ZNF574: variants seen among roughly 807,000 people sequenced by gnomAD.
ZNF574 encodes the protein zinc finger protein 574.
A neutral mutation model predicts 56.6 loss-of-function variants in ZNF574; 25 were observed. That is an observed-to-expected ratio of 0.44 (90% CI 0.32 to 0.62). The LOEUF (loss-of-function observed/expected upper bound fraction) is 0.62, where lower values mean the gene tolerates loss of function less well. ZNF574 is among the 20% of genes least tolerant of loss of function. The probability of loss-of-function intolerance (pLI) is 0.04; values close to 1 mark genes in which losing one functional copy is unlikely to be tolerated. For synonymous variants in ZNF574, 543 were observed against 492.1 expected (o/e 1.10, Z -1.37); for missense variants, 1,065 against 1,218.9 (o/e 0.87, Z 1.88).
chr19:42,069,234 C>T (rs1286821465), intron 1 of ZNF574: 8 of 289,998 alleles, frequency 2.8e-5, no homozygotes, highest in Non-Finnish European at 5.1e-5. Context: ...GCCCTGCAGA[C>T]ACTCACGGAT....
upstream of ZNF574, chr19:42,074,818 G>C (rs900897978): frequency 6.6e-6 from 1 of 152,246 alleles, no homozygotes; most frequent in Admixed American, 6.5e-5. Flanking sequence ...ACAATTCTGA[G>C]AGTCAGTTTC....
At position 42,068,950 on chromosome 19, in the gene ZNF574, CA is replaced by C. The variant is rs2076382713; in HGVS notation, c.240del (p.Ala82ProfsTer10). 1 of 622,324 alleles carries C rather than the reference CA, an allele frequency of 1.6e-6. No individual in the cohort carries two copies. Among genetic ancestry groups the C allele is most frequent in the African/African-American group, 1.8e-5 (1 of 54,114 alleles). 38.6% of individuals were successfully genotyped at this position (622,324 alleles called of 1,614,324 possible). On this transcript the variant is annotated frameshift_variant, in exon 1 of 2. Transcript: ENST00000222339. LOFTEE classifies it high-confidence loss of function. ...GGAGACAGCAGGGGCACGGACATGC[CA>C]GGGGCCCGGGGTAAGTGAGAGCCCA... is the stretch of plus-strand genomic sequence containing the variant.
chr19:42,069,426 G>C (rs1225212293), intron 1 of ZNF574: 1 of 151,526 alleles, frequency 6.6e-6, no homozygotes, highest in African/African-American at 2.4e-5. Context: ...CAGGGAGGAA[G>C]GACAGGTGGA....
chr19:42,070,522 G>A (rs1281597826), intron 1 of ZNF574: 1 of 152,722 alleles, frequency 6.5e-6, no homozygotes, highest in Non-Finnish European at 1.5e-5. Flanking sequence ...GATGAGGGGA[G>A]AGGGCTACAG....
At position 42,068,807 on chromosome 19, in the gene ZNF574, A is replaced by G. The variant is rs181030925; in HGVS notation, c.96A>G (p.Glu32=). The change falls in exon 1 of 2, where the codon GAA becomes GAG. Residue 32 remains glutamate (E), a synonymous_variant. Coordinates refer to the ZNF574 transcript ENST00000222339. ...CAGGAAATGGGGGCTCAAAAGCGGA[A>G]AGACATATCCAGGAGATAGAGACTG... 3.6e-5 allele frequency: 22 copies of G among 603,404 alleles called. 1 individual carries two copies. In the East Asian group the frequency reaches 6.6e-4, roughly 18 times the overall value. 37.4% of individuals were successfully genotyped at this position (603,404 alleles called of 1,614,324 possible). A position where few individuals can be genotyped will look rare whatever the true frequency, so the allele number is the denominator to read the frequency against.
chr19:42,072,054 C>T (rs1191706343), upstream of ZNF574, among the ~76,000 whole-genome samples: 3 of 151,412 alleles, frequency 2.0e-5, no homozygotes, highest in South Asian at 2.1e-4. Flanking sequence ...CTAAATTCAA[C>T]CTGTCCCGGA....
intron 1 of ZNF574, chr19:42,069,530 G>C (rs2076393940): frequency 6.8e-6 from 1 of 147,886 alleles, no homozygotes; most frequent in Non-Finnish European, 1.5e-5. Flanking sequence ...CAAATGGAGG[G>C]GAAGGAGGGA....
At position 42,081,114 on chromosome 19, in the gene ZNF574, C is replaced by G. The variant is rs1408509227; in HGVS notation, c.2508C>G (p.Asn836Lys). Residue 836 changes from asparagine to lysine, a missense_variant, in exon 2 of 2, where the codon AAC (asparagine) becomes AAG (lysine). Transcript: ENST00000359044. ...DCGKSYRSFS[N>K]LWKHRKTHQQ... ...GCAAGAGCTACCGCTCCTTCTCCAA[C>G]CTCTGGAAGCACCGCAAGACCCATC... is the stretch of plus-strand genomic sequence containing the variant. 2 of 1,614,046 alleles carry G rather than the reference C, an allele frequency of 1.2e-6. No homozygotes were observed. Among genetic ancestry groups the G allele is most frequent in the African/African-American group, 1.3e-5 (1 of 74,950 alleles).
At position 42,081,329 on chromosome 19, in the gene ZNF574, T is replaced by C. The variant is rs761050738; in HGVS notation, c.*32T>C. On this transcript the variant is annotated 3_prime_UTR_variant, in exon 2 of 2. Transcript: ENST00000359044. The stretch of plus-strand genomic sequence containing the variant: ...CCGACTTCCTCTTTGGCACCTCCAT[T>C]CCCTGTTGCTGAAGGCCCTCCAGCA... 6.2e-7 allele frequency: 1 copy of C among 1,613,884 alleles called. No homozygotes were observed. The highest frequency in any genetic ancestry group is 2.2e-5 in the East Asian group (1 of 44,882).
Position 42,080,554 on chromosome 19 carries a change from C to T in ZNF574, c.1948C>T (p.Arg650Trp), listed in dbSNP as rs1231339887. Residue 650 changes from arginine to tryptophan, a missense_variant, in exon 2 of 2, where the codon CGG becomes TGG. Transcript: ENST00000359044. This position sits in a 1 kb window ranked among gnomAD's most constrained non-coding sequence, Gnocchi z 8.5. Reference sequence around the variant, plus strand: ...TGGGGCTGCCTTCCCCTCCTCACTGCGGCTCCGGGAGCACCGCTGTGCAGC... The same window carrying T: ...TGGGGCTGCCTTCCCCTCCTCACTGTGGCTCCGGGAGCACCGCTGTGCAGC... The part of the protein sequence containing the change: ...SCGAAFPSSL[R>W]LREHRCAAAA... 6 of 1,612,734 alleles carry T rather than the reference C, an allele frequency of 3.7e-6. No individual in the cohort carries two copies. In the African/African-American group the frequency reaches 4.0e-5, roughly 11 times the overall value.
chr19:42,077,414 A>T, intron 1 of ZNF574, among the ~76,000 whole-genome samples: 1 of 150,672 alleles, frequency 6.6e-6, no homozygotes, highest in African/African-American at 2.4e-5. Flanking sequence ...AGAATGGGTT[A>T]GGGTGGGTTG....
At position 42,080,644 on chromosome 19, in the gene ZNF574, G is replaced by A. The variant is rs1442870253; in HGVS notation, c.2038G>A (p.Ala680Thr). 1.2e-6 allele frequency: 2 copies of A among 1,612,968 alleles called. No individual in the cohort carries two copies. The highest frequency in any genetic ancestry group is 3.3e-5 in the Admixed American group (2 of 60,020). ...CTGTGGCAAGAAAGTGGGCTCAGCT[G>A]CTCGACTGCAGGCACACGAGGCGGC... is the stretch of plus-strand genomic sequence containing the variant. ...GTCGKKVGSA[A>T]RLQAHEAAHA... is the part of the protein sequence containing the mutation. Residue 680 changes from alanine to threonine, a missense_variant, in exon 2 of 2, where the codon GCT becomes ACT. Transcript: ENST00000359044. This position sits in a 1 kb window ranked among gnomAD's most constrained non-coding sequence, Gnocchi z 8.5.
chr19:42,080,236 A>T lies in ZNF574; in HGVS notation c.1630A>T (p.Thr544Ser), dbSNP rs763270366. 3 of 1,614,012 alleles carry T rather than the reference A, an allele frequency of 1.9e-6. No individual in the cohort carries two copies. Among genetic ancestry groups the T allele is most frequent in the Non-Finnish European group, 1.7e-6 (2 of 1,179,986 alleles). The change falls in exon 2 of 2, where the codon ACA becomes TCA. Residue 544 changes from threonine (T) to serine (S), a missense_variant. Transcript: ENST00000359044. This position sits in a 1 kb window ranked among gnomAD's most constrained non-coding sequence, Gnocchi z 8.5. The stretch of plus-strand genomic sequence containing the variant: ...TGCCAACCTGGCCCGCCACCGGCTC[A>T]CACACACAGGAGAGCGGCCCTACCG... The part of the protein sequence containing the change: ...SPANLARHRL[T>S]HTGERPYRCG...
At chr19:42,074,402 C>T (rs949984725), upstream of ZNF574, among the ~76,000 whole-genome samples, 1 of 151,370 alleles carries the variant, frequency 6.6e-6, no homozygotes, top group Non-Finnish European at 1.5e-5. Context: ...TTGCAGTGAG[C>T]CGAGATCGCG....
chr19:42,077,152 G>A (rs1220554896), intron 1 of ZNF574, among the ~76,000 whole-genome samples: 3 of 151,942 alleles, frequency 2.0e-5, no homozygotes, highest in Admixed American at 6.6e-5. Flanking sequence ...AGACGCTGGG[G>A]GGTCTGAGTA....
chr19:42,077,876 G>C (rs2076466621), intron 1 of ZNF574, among the ~76,000 whole-genome samples: 1 of 152,158 alleles, frequency 6.6e-6, no homozygotes, highest in South Asian at 2.1e-4. Context: ...GTTAAGGTGG[G>C]CAAAGTCTGG....
Position 42,079,394 on chromosome 19 carries a change from T to C in ZNF574, c.788T>C (p.Val263Ala), listed in dbSNP as rs1247180344. ...VQASSPAEVP[V>A]SQPDPLPASD... is the part of the protein sequence containing the mutation. ...GCCTCGTCACCTGCAGAGGTGCCTG[T>C]GTCTCAGCCTGACCCCTTGCCAGCT... The change falls in exon 2 of 2, where the codon GTG becomes GCG. Residue 263 changes from valine (V) to alanine (A), a missense_variant. Physicochemically the swap from Val to Ala is moderately conservative, Grantham distance 64. Transcript: ENST00000359044. The surrounding 1 kb of genome is among the most constrained non-coding windows in gnomAD (Gnocchi z 4.3). 6.2e-7 allele frequency: 1 copy of C among 1,613,712 alleles called. No homozygotes were observed.
chr19:42,074,118 C>G (rs186378336), upstream of ZNF574, among the ~76,000 whole-genome samples: 7 of 118,480 alleles, frequency 5.9e-5, no homozygotes, highest in East Asian at 1.7e-3. Context: ...GGGCGGTGGG[C>G]GACAGAGTGA....
At chr19:42,068,913 G>C (rs2076381951) in exon 1 of ZNF574, 2 of 678,196 alleles carry the variant, frequency 2.9e-6, no homozygotes, top group African/African-American at 3.6e-5. Flanking sequence ...TCTGGGACCA[G>C]GACGGAGGCT....
Sources: allele counts gnomAD v4.1 joint callset (sites outside exome capture counted in the v4.1 genomes callset), GRCh38; gene constraint gnomAD v4.1.1; non-coding constraint Gnocchi (gnomAD v3.1); transcripts MANE v1.5; gene names NCBI Gene and HGNC (gene_info 2026-07-23, HGNC 2026-07-21).